KMT2C: variants seen among roughly 807,000 people sequenced by gnomAD.
The protein encoded by KMT2C is histone-lysine N-methyltransferase 2C.
KMT2C carries 88 observed loss-of-function variants against 507.9 expected under a neutral mutation model. The ratio of observed to expected loss-of-function variants is 0.17; its 90% CI spans 0.15 to 0.21. The LOEUF (loss-of-function observed/expected upper bound fraction) is 0.21. Ranked by LOEUF, KMT2C falls within the 10% of genes least tolerant of loss-of-function variation. The probability of loss-of-function intolerance (pLI) is 1.00; values close to 1 mark genes in which losing one functional copy is unlikely to be tolerated. For synonymous variants in KMT2C, 2,049 were observed against 2,080.8 expected, an observed-to-expected ratio of 0.98 and a Z score of 0.42; for missense variants, 4,954 against 5,957.8, an observed-to-expected ratio of 0.83 and a Z score of 5.55.
intron 15 of KMT2C, among the ~76,000 whole-genome samples, chr7:152,237,916 A>AG (rs2095311121): frequency 6.6e-6 from 1 of 152,306 alleles, no homozygotes; most frequent in Non-Finnish European, 1.5e-5. Context: ...ATGCTGACCC[A>AG]GAAAAAAAGT....
intron 2 of KMT2C, among the ~76,000 whole-genome samples, chr7:152,349,707 T>C (rs2097094927): frequency 6.6e-6 from 1 of 152,044 alleles, no homozygotes; most frequent in Non-Finnish European, 1.5e-5. Flanking sequence ...TATGATACTA[T>C]AATGACAGAT....
chr7:152,388,384 C>A (rs893578242), intron 1 of KMT2C, among the ~76,000 whole-genome samples: 29 of 151,994 alleles, frequency 1.9e-4, no homozygotes, highest in Non-Finnish European at 3.4e-4. Context: ...CATGGTGAAA[C>A]CCCGTCTCTA....
At chr7:152,184,851 C>G (rs531470994) in intron 34 of KMT2C, among the ~76,000 whole-genome samples, 4 of 152,336 alleles carry the variant, frequency 2.6e-5, no homozygotes, top group African/African-American at 9.6e-5. Flanking sequence ...AATTCTGGCT[C>G]ACTGAAGCCT....
intron 5 of KMT2C, among the ~76,000 whole-genome samples, chr7:152,311,122 GAT>G (rs1317377513): frequency 6.6e-6 from 1 of 152,064 alleles, no homozygotes; most frequent in Non-Finnish European, 1.5e-5. Context: ...ATATGTATTT[GAT>G]ATGTTTCTGG....
Position 152,238,603 on chromosome 7 carries a change from C to A in KMT2C, c.2652+104G>T. The A allele has an allele frequency of 3.9e-6, 3 of 776,728 alleles. No individual in the cohort carries two copies. The South Asian group carries it at 8.2e-5, about 21-fold the overall frequency. The allele number at this position is 776,728 out of a possible 1,614,324, so 48.1% of individuals were successfully genotyped here. A position where few individuals can be genotyped will look rare whatever the true frequency, so the allele number is the denominator to read the frequency against. On this transcript the variant is annotated intron_variant, in intron 15 of 58. Coordinates refer to ENST00000262189, the MANE Select transcript of KMT2C (RefSeq NM_170606.3). Reference sequence around the variant, plus strand: ...AAATTTTTAGATTTAAAAAGTGTTTCTTGGAAGCTCAATCTAGAAAAGAAA... The same window carrying A: ...AAATTTTTAGATTTAAAAAGTGTTTATTGGAAGCTCAATCTAGAAAAGAAA...
intron 4 of KMT2C, among the ~76,000 whole-genome samples, chr7:152,312,926 T>C (rs2096686176): frequency 6.6e-6 from 1 of 152,142 alleles, no homozygotes; most frequent in Non-Finnish European, 1.5e-5. Flanking sequence ...ATGATTCCTA[T>C]TAAGAGAAAA....
intron 53 of KMT2C, among the ~76,000 whole-genome samples, chr7:152,146,213 G>GA (rs1192754496): frequency 1.3e-5 from 2 of 152,178 alleles, no homozygotes; most frequent in Admixed American, 6.5e-5. Flanking sequence ...AAGAGGGCAG[G>GA]AGAGTGGCCA....
At chr7:152,252,303 TA>T in intron 10 of KMT2C, among the ~76,000 whole-genome samples, 1 of 152,346 alleles carries the variant, frequency 6.6e-6, no homozygotes, top group Non-Finnish European at 1.5e-5. Context: ...ATTTTTAAGC[TA>T]TTTTCTCTTT....
intron 44 of KMT2C, chr7:152,157,974 G>A: frequency 1.6e-6 from 2 of 1,231,958 alleles, no homozygotes; most frequent in Non-Finnish European, 2.1e-6. Flanking sequence ...AAGGAACTCA[G>A]TGTAGCTCAA....
intron 2 of KMT2C, among the ~76,000 whole-genome samples, chr7:152,332,831 G>A (rs1435781198): frequency 6.9e-6 from 1 of 144,860 alleles, no homozygotes; most frequent in African/African-American, 2.6e-5. Flanking sequence ...CTGGGCAACA[G>A]GAATGAAACT....
At chr7:152,293,880 CAA>C (rs940426938) in intron 6 of KMT2C, among the ~76,000 whole-genome samples, 1 of 152,150 alleles carries the variant, frequency 6.6e-6, no homozygotes, top group African/African-American at 2.4e-5. Context: ...ATTTTTGAGA[CAA>C]AGTCTGGCTC....
rs28846734 is a variant in KMT2C at position 152,288,955 on chromosome 7, G to C, written c.850-15088C>G. 9.0e-3 allele frequency among the ~76,000 whole-genome samples: 1,371 copies of C among 152,296 alleles called. 1 individual carries two copies. The highest frequency in any genetic ancestry group is 0.032 in the African/African-American group (1,323 of 41,508). On this transcript the variant is annotated intron_variant, in intron 6 of 58. Transcript: ENST00000262189. Reference sequence around the variant, plus strand: ...GCAAAAACATCCATTAGTAATGAAAGGGAAATCAAGAAATTGTGAGATGAA... The same window carrying C: ...GCAAAAACATCCATTAGTAATGAAACGGAAATCAAGAAATTGTGAGATGAA...
chr7:152,308,430 C>G (rs191228846), intron 6 of KMT2C, among the ~76,000 whole-genome samples: 1 of 151,932 alleles, frequency 6.6e-6, no homozygotes, highest in African/African-American at 2.4e-5. Context: ...AATCCCAGCA[C>G]GTCAGGAGGC....
Position 152,148,454 on chromosome 7 carries a change from T to C in KMT2C, c.13473A>G (p.Ala4491=), listed in dbSNP as rs775239708. 7.1e-5 allele frequency: 114 copies of C among 1,614,268 alleles called. No homozygotes were observed. The highest frequency in any genetic ancestry group is 9.2e-5 in the Non-Finnish European group (109 of 1,180,046). The change falls in exon 52 of 59, where the codon GCA becomes GCG. Residue 4491 remains alanine, a synonymous_variant. Coordinates refer to ENST00000262189, the MANE Select transcript of KMT2C (RefSeq NM_170606.3). This position sits in a 1 kb window ranked among gnomAD's most constrained non-coding sequence, Gnocchi z 7.1. ...NIYHFTCAIK[A]QCMFFKDKTM... ...TTTTGTCCTTAAAAAACATGCATTGTGCTTTAATGGCGCAAGTGAAGTGAT... is the reference window on the plus strand; with the variant it reads ...TTTTGTCCTTAAAAAACATGCATTGCGCTTTAATGGCGCAAGTGAAGTGAT...
At position 152,149,029 on chromosome 7, in the gene KMT2C, A is replaced by C. The variant is rs199880787; in HGVS notation, c.12898T>G (p.Ser4300Ala). 2.5e-5 allele frequency: 39 copies of C among 1,537,548 alleles called. No individual in the cohort carries two copies. The highest frequency in any genetic ancestry group is 3.1e-5 in the Non-Finnish European group (35 of 1,146,992). Residue 4300 changes from serine to alanine, a missense_variant, in exon 52 of 59, where the codon TCT becomes GCT. By Grantham distance (99) the Ser-to-Ala change is moderately conservative (BLOSUM62 1). Transcript: ENST00000262189. ...GCGATGGGTGGTGAGGCAGGGGGAG[A>C]AGCTTTCTCTGGGAGCTGGGGGAGA... ...HCLPQLPEKA[S>A]PPASPPIAFP...
At chr7:152,329,969 C>T (rs1406451071) in intron 3 of KMT2C, among the ~76,000 whole-genome samples, 1 of 151,678 alleles carries the variant, frequency 6.6e-6, no homozygotes, top group African/African-American at 2.4e-5. Flanking sequence ...CATGGTGAAA[C>T]CCTGTCTCTA....
intron 6 of KMT2C, among the ~76,000 whole-genome samples, chr7:152,290,245 T>A (rs1266510120): frequency 2.9e-5 from 3 of 104,342 alleles, no homozygotes; most frequent in Non-Finnish European, 3.6e-5. Context: ...TGTGTGTGTG[T>A]GTGTGTGTAT....
Position 152,176,386 on chromosome 7 carries a change from T to G in KMT2C, c.9067A>C (p.Ser3023Arg). 6.2e-7 allele frequency: 1 copy of G among 1,614,174 alleles called. No individual in the cohort carries two copies. Among genetic ancestry groups the G allele is most frequent in the South Asian group, 1.1e-5 (1 of 91,064 alleles). The change falls in exon 38 of 59, where the codon AGT becomes CGT. Residue 3023 changes from serine to arginine, a missense_variant. Around this residue, in one of 29 missense-constraint regions of KMT2C, gnomAD observed 1,689 missense variants for 1,654.3 expected, o/e 1.02. Transcript: ENST00000262189. The stretch of plus-strand genomic sequence containing the variant: ...AGCTGTTGGGGTCCAGACATGCTAC[T>G]GGTACCAGACTGACTTGTTTGAGGC... ...TGPQTSQSGTSSMSGPQQLMI... is the reference protein window; with the variant it reads ...TGPQTSQSGTRSMSGPQQLMI...
chr7:152,196,232 T>C (rs2093958060), intron 27 of KMT2C, among the ~76,000 whole-genome samples: 1 of 152,172 alleles, frequency 6.6e-6, no homozygotes, highest in Non-Finnish European at 1.5e-5. Context: ...GTGACTAATG[T>C]ATATTGAGAC....
Sources: allele counts gnomAD v4.1 joint callset (sites outside exome capture counted in the v4.1 genomes callset), GRCh38; gene constraint gnomAD v4.1.1; regional missense constraint gnomAD v4.1.1; non-coding constraint Gnocchi (gnomAD v3.1); transcripts MANE v1.5; gene names NCBI Gene and HGNC (gene_info 2026-07-23, HGNC 2026-07-21).